Variants in NLGN1 observed in about 807,000 individuals in gnomAD.
NLGN1 encodes the protein neuroligin 1.
In NLGN1, 12 loss-of-function variants were observed where a neutral mutation model predicts 65.5. The ratio of observed to expected loss-of-function variants is 0.18; its 90% CI spans 0.12 to 0.30. The LOEUF is 0.30. Among genes scored for constraint, NLGN1 ranks in the 10% least tolerant of loss-of-function variants. The probability of loss-of-function intolerance (pLI) is 1.00; values close to 1 mark genes in which losing one functional copy is unlikely to be tolerated. For synonymous variants in NLGN1, 350 were observed against 359.5 expected (o/e 0.97, Z 0.30); for missense variants, 750 against 1,007.1 (o/e 0.74, Z 3.46).
At chr3:174,101,912 C>T (rs558461367) in intron 4 of NLGN1, among the ~76,000 whole-genome samples, 16 of 152,150 alleles carry the variant, frequency 1.1e-4, no homozygotes, top group African/African-American at 3.1e-4. Flanking sequence ...TATTTCCAAT[C>T]GGGAGATCAG....
chr3:173,901,739 CTT>C (rs1209546253), intron 4 of NLGN1, among the ~76,000 whole-genome samples: 1 of 151,972 alleles, frequency 6.6e-6, no homozygotes, highest in Non-Finnish European at 1.5e-5. Flanking sequence ...CACTTAATTT[CTT>C]TTTCGAGAAC....
rs141037091 is a variant in NLGN1 at position 174,089,774 on chromosome 3, A to G, written c.647-185541A>G. ...GTGTGCTGCAGATCCACTTAATCCA[A>G]TTAAGTTCAAGAAGTAATTCTCTCA... On this transcript the variant is annotated intron_variant, in intron 4 of 6. Transcript: ENST00000457714. 3.7e-3 allele frequency among the ~76,000 whole-genome samples: 558 copies of G among 152,288 alleles called. 6 individuals are homozygous for G. Among genetic ancestry groups the G allele is most frequent in the South Asian group, 0.024 (115 of 4,824 alleles).
intron 2 of NLGN1, among the ~76,000 whole-genome samples, chr3:173,438,447 A>G (rs898378133): frequency 6.6e-6 from 1 of 152,158 alleles, no homozygotes; most frequent in East Asian, 1.9e-4. Flanking sequence ...AGACATGCCA[A>G]CTTGATCCAG....
rs1744407176 is a variant in NLGN1 at position 173,570,149 on chromosome 3, T to TCCTAC, written c.-320-34129_-320-34128insCTACC. On this transcript the variant is annotated intron_variant, in intron 2 of 6. Coordinates refer to ENST00000457714, the Ensembl canonical transcript of NLGN1. ...GAGGGGTGAGGTAGGATAGATTGTA[T>TCCTAC]CTCTGAAGGGTTAATAGAGGCAGTG... Among the ~76,000 whole-genome samples the TCCTAC allele has an allele frequency of 9.2e-5, 14 of 152,228 alleles. No individual in the cohort carries two copies. In the South Asian group the frequency reaches 2.9e-3, roughly 32 times the overall value.
At chr3:173,505,120 A>C (rs753149272) in intron 2 of NLGN1, among the ~76,000 whole-genome samples, 2 of 151,936 alleles carry the variant, frequency 1.3e-5, no homozygotes, top group Non-Finnish European at 2.9e-5. Context: ...GTCTCTGTAA[A>C]TGACATCACT....
At chr3:173,852,173 G>A (rs1447758119) in intron 4 of NLGN1, among the ~76,000 whole-genome samples, 1 of 150,888 alleles carries the variant, frequency 6.6e-6, no homozygotes, top group Non-Finnish European at 1.5e-5. Context: ...TGGCTAACAC[G>A]GTGAAACCCT....
intron 4 of NLGN1, among the ~76,000 whole-genome samples, chr3:174,245,258 G>A (rs1271534161): frequency 6.6e-6 from 1 of 151,916 alleles, no homozygotes; most frequent in Non-Finnish European, 1.5e-5. Flanking sequence ...GTAATTTTTA[G>A]TTCAAAAGGC....
chr3:173,761,155 T>C (rs942265457), intron 3 of NLGN1, among the ~76,000 whole-genome samples: 1 of 152,070 alleles, frequency 6.6e-6, no homozygotes, highest in African/African-American at 2.4e-5. Context: ...ACATATAGAC[T>C]GAATATAAGT....
intron 4 of NLGN1, among the ~76,000 whole-genome samples, chr3:173,997,841 A>G (rs1722568985): frequency 6.6e-6 from 1 of 152,206 alleles, no homozygotes; most frequent in African/African-American, 2.4e-5. Flanking sequence ...GTAAAATACT[A>G]GAACCAGATT....
intron 4 of NLGN1, among the ~76,000 whole-genome samples, chr3:173,864,705 A>G (rs1452180092): frequency 1.3e-5 from 2 of 152,204 alleles, no homozygotes. Context: ...ACTTACACGC[A>G]GGCTGTAATT....
At chr3:173,657,632 A>G (rs1760263019) in intron 3 of NLGN1, among the ~76,000 whole-genome samples, 2 of 151,592 alleles carry the variant, frequency 1.3e-5, no homozygotes, top group South Asian at 4.2e-4. Flanking sequence ...CTTGGTTCAC[A>G]CTCTTGTTTT....
intron 3 of NLGN1, among the ~76,000 whole-genome samples, chr3:173,784,161 T>G (rs893933408): frequency 2.6e-5 from 4 of 152,316 alleles, no homozygotes; most frequent in Admixed American, 6.5e-5. Flanking sequence ...AATAAGTTGC[T>G]TTTGTCTACA....
intron 2 of NLGN1, among the ~76,000 whole-genome samples, chr3:173,474,043 G>A (rs562585082): frequency 6.6e-6 from 1 of 152,222 alleles, no homozygotes; most frequent in East Asian, 1.9e-4. Flanking sequence ...GTTAGCCTAG[G>A]CCAGGTCTCA....
At chr3:173,568,085 T>C (rs57887064) in intron 2 of NLGN1, among the ~76,000 whole-genome samples, 57,157 of 151,912 alleles carry the variant, frequency 0.38, 11,325 homozygotes, top group East Asian at 0.72. Flanking sequence ...AAATAATGAT[T>C]TATCTTTAGT....
rs1340920074 is a variant in NLGN1 at position 173,746,628 on chromosome 3, A to G, written c.494-61052A>G. Among the ~76,000 whole-genome samples, 7 of 152,118 alleles carry G rather than the reference A, an allele frequency of 4.6e-5. No individual in the cohort carries two copies. In the East Asian group the frequency reaches 1.2e-3, roughly 25 times the overall value. On this transcript the variant is annotated intron_variant, in intron 3 of 6. Transcript: ENST00000457714. ...AGTCTGATTTGTCACATGCTATTAT[A>G]GAACATTCTGACATGTCCTCTACAG... is the stretch of plus-strand genomic sequence containing the variant.
chr3:174,027,249 T>C (rs1161469663), intron 4 of NLGN1, among the ~76,000 whole-genome samples: 1 of 152,180 alleles, frequency 6.6e-6, no homozygotes, highest in Non-Finnish European at 1.5e-5. Flanking sequence ...CCTGGCAAAC[T>C]GCTCTCTCCA....
chr3:173,610,326 A>C (rs1752092929), intron 3 of NLGN1, among the ~76,000 whole-genome samples: 2 of 151,954 alleles, frequency 1.3e-5, no homozygotes, highest in African/African-American at 4.8e-5. Context: ...AGAGTACAAA[A>C]ATAAGTTTAG....
At chr3:173,803,550 A>G (rs982232487) in intron 3 of NLGN1, among the ~76,000 whole-genome samples, 5 of 152,098 alleles carry the variant, frequency 3.3e-5, no homozygotes, top group Non-Finnish European at 1.5e-5. Context: ...GGAGATTGCA[A>G]TGAGCCCAGA....
intron 2 of NLGN1, among the ~76,000 whole-genome samples, chr3:173,598,647 A>G (rs541715364): frequency 1.3e-5 from 2 of 152,262 alleles, no homozygotes; most frequent in African/African-American, 4.8e-5. Context: ...ATCTTATCCA[A>G]TGCTCATCCT....
Sources: gnomAD v4.1 joint callset for allele counts (sites outside exome capture counted in the v4.1 genomes callset) on GRCh38, gnomAD v4.1.1 for gene constraint, MANE v1.5 for transcripts, NCBI Gene and HGNC (gene_info 2026-07-23, HGNC 2026-07-21) for gene names.